The following RXFP2 variants were observed in gnomAD, a reference collection of about 807,000 sequenced individuals.
RXFP2 encodes relaxin family peptide receptor 2.
A neutral mutation model predicts 88.6 loss-of-function variants in RXFP2; 68 were observed. That is an observed-to-expected ratio of 0.77 (90% CI 0.63 to 0.94). RXFP2 has a LOEUF of 0.94. Ranked by LOEUF, RXFP2 falls within the 40% of genes least tolerant of loss-of-function variation. RXFP2 has a pLI of 0.00. For synonymous variants in RXFP2, 329 were observed against 306.8 expected (o/e 1.07, Z -0.76); for missense variants, 791 against 893.9 (o/e 0.88, Z 1.47).
rs959645523 is a variant in RXFP2 at position 31,782,767 on chromosome 13, A to T, written c.929+20A>T. The T allele has an allele frequency of 2.8e-6, 4 of 1,429,000 alleles. No individual in the cohort carries two copies. In the South Asian group the frequency reaches 4.6e-5, roughly 16 times the overall value. The allele number at this position is 1,429,000 out of a possible 1,614,324, so 88.5% of individuals were successfully genotyped here. A position where few individuals can be genotyped will look rare whatever the true frequency, so the allele number is the denominator to read the frequency against. ...AGAACTGTAAGTAGCATCGTCTACT[A>T]GGAAAATATGATTGCTTCTTCCGAG... On this transcript the variant is annotated intron_variant, in intron 11 of 17. Coordinates refer to ENST00000298386, the MANE Select transcript of RXFP2 (RefSeq NM_130806.5).
intron 17 of RXFP2, among the ~76,000 whole-genome samples, chr13:31,798,709 A>G (rs571690850): frequency 1.8e-4 from 27 of 152,218 alleles, no homozygotes; most frequent in African/African-American, 5.5e-4. Flanking sequence ...ACCCTCGTAC[A>G]CTGTGATCCA....
chr13:31,742,495 A>G (rs1310381319), intron 1 of RXFP2, among the ~76,000 whole-genome samples: 1 of 152,194 alleles, frequency 6.6e-6, no homozygotes, highest in Non-Finnish European at 1.5e-5. Flanking sequence ...GGGCTGAATG[A>G]AGCCCACTGT....
chr13:31,791,295 T>C (rs939187834), intron 14 of RXFP2, among the ~76,000 whole-genome samples: 8 of 152,138 alleles, frequency 5.3e-5, no homozygotes, highest in Non-Finnish European at 1.5e-5. Context: ...AGAATGCATT[T>C]TCCTAGTGTC....
At position 31,778,500 on chromosome 13, in the gene RXFP2, C is replaced by T. The variant is rs189540523; in HGVS notation, c.714-12C>T. ...TCATTTTATTTCTAATTAACATTTT[C>T]TTTGTGTAAAGGTCTATGGTTAATA... On this transcript the variant is annotated splice_polypyrimidine_tract_variant and intron_variant, in intron 8 of 17. Coordinates refer to ENST00000298386, the MANE Select transcript of RXFP2 (RefSeq NM_130806.5). 2.5e-6 allele frequency: 4 copies of T among 1,573,194 alleles called. No individual in the cohort carries two copies. The highest frequency in any genetic ancestry group is 2.7e-5 in the African/African-American group (2 of 74,026).
rs999259740 is a variant in RXFP2 at position 31,747,813 on chromosome 13, A to G, written c.94+8107A>G. Among the ~76,000 whole-genome samples, 2 of 152,232 alleles carry G rather than the reference A, an allele frequency of 1.3e-5. 1 individual carries two copies. Among genetic ancestry groups the G allele is most frequent in the Non-Finnish European group, 2.9e-5 (2 of 68,038 alleles). On this transcript the variant is annotated intron_variant, in intron 1 of 17. Coordinates refer to ENST00000298386, the MANE Select transcript of RXFP2 (RefSeq NM_130806.5). Reference sequence around the variant, plus strand: ...GTGCAAGATGGTTTGGGTAGAAAAAAGGGAAAGTTTGTACTGAGGAGTGGT... The same window carrying G: ...GTGCAAGATGGTTTGGGTAGAAAAAGGGGAAAGTTTGTACTGAGGAGTGGT...
chr13:31,802,348 AC>A lies in RXFP2; in HGVS notation c.2209del (p.Val739PhefsTer2). ...GGATAGAGGACTCCTCTTCCCTGAA[AC>A]TTGGGGTTTTGAACAAAATAACACT... is the stretch of plus-strand genomic sequence containing the variant. ...VWIEDSSSLK[L>X]GVLNKITLGD... is the part of the protein sequence containing the mutation. On this transcript the variant is annotated frameshift_variant, in exon 18 of 18. Transcript: ENST00000298386. LOFTEE classifies it high-confidence loss of function. The A allele has an allele frequency of 6.2e-7, 1 of 1,614,082 alleles. No homozygotes were observed. Among genetic ancestry groups the A allele is most frequent in the African/African-American group, 1.3e-5 (1 of 75,044 alleles).
chr13:31,761,953 G>T, intron 3 of RXFP2, 152 bp downstream of exon 3: 26 of 523,986 alleles, frequency 5.0e-5, no homozygotes, highest in Admixed American at 8.3e-5. Context: ...GTCTGCCTGT[G>T]ATTGGAAAGA....
chr13:31,760,348 C>T (rs1166709956), intron 2 of RXFP2, among the ~76,000 whole-genome samples: 1 of 152,200 alleles, frequency 6.6e-6, no homozygotes, highest in African/African-American at 2.4e-5. Flanking sequence ...GCCTCGGCCT[C>T]CCAAAGTGCT....
At chr13:31,774,877 C>A (rs1326516643) in intron 6 of RXFP2, among the ~76,000 whole-genome samples, 186 bp downstream of exon 6, 1 of 152,164 alleles carries the variant, frequency 6.6e-6, no homozygotes, top group Non-Finnish European at 1.5e-5. Context: ...AGAAGACATA[C>A]AAAGGTTCTC....
At chr13:31,742,292 GC>G (rs1270151710) in intron 1 of RXFP2, among the ~76,000 whole-genome samples, 1 of 152,294 alleles carries the variant, frequency 6.6e-6, no homozygotes, top group African/African-American at 2.4e-5. Context: ...GTGTTTGACT[GC>G]CCCCTAGTGG....
At chr13:31,759,406 A>AAAGAAAGAAAGAAAGAAAGG in intron 2 of RXFP2, among the ~76,000 whole-genome samples, 1 of 149,702 alleles carries the variant, frequency 6.7e-6, no homozygotes, top group East Asian at 2.0e-4. Flanking sequence ...AGAAAGAAAG[A>AAAGAAAGAAAGAAAGAAAGG]AAGAAAGAAA....
intron 1 of RXFP2, among the ~76,000 whole-genome samples, chr13:31,757,341 A>T (rs1872003476): frequency 6.6e-6 from 1 of 152,208 alleles, no homozygotes; most frequent in African/African-American, 2.4e-5. Flanking sequence ...CAAGATATTT[A>T]ACTTCCCTAA....
At chr13:31,755,181 G>T (rs1871882690) in intron 1 of RXFP2, among the ~76,000 whole-genome samples, 1 of 152,128 alleles carries the variant, frequency 6.6e-6, no homozygotes, top group Non-Finnish European at 1.5e-5. Flanking sequence ...TCTAATCCAG[G>T]TCTGAGTGTC....
Position 31,781,703 on chromosome 13 carries a change from C to T in RXFP2, c.818C>T (p.Thr273Ile). 6.2e-7 allele frequency: 1 copy of T among 1,612,480 alleles called. No individual in the cohort carries two copies. Among genetic ancestry groups the T allele is most frequent in the Non-Finnish European group, 8.5e-7 (1 of 1,178,930 alleles). ...GAAGGCAATAGAATAAAGTATCTCA[C>T]AAATTCTACGTTTCTGTCGTGCGAT... The part of the protein sequence containing the change: ...DLEGNRIKYL[T>I]NSTFLSCDSL... Residue 273 changes from threonine to isoleucine, a missense_variant, in exon 10 of 18, where the codon ACA becomes ATA. Transcript: ENST00000298386.
intron 15 of RXFP2, 51 bp from the exon 16 acceptor site, chr13:31,792,619 GAAAACTAA>G (rs980743691): frequency 2.1e-5 from 33 of 1,537,250 alleles, no homozygotes; most frequent in African/African-American, 2.7e-5. Flanking sequence ...GACTTAATCA[GAAAACTAA>G]AACAGGGACA....
intron 7 of RXFP2, among the ~76,000 whole-genome samples, chr13:31,776,799 T>C (rs1873009674): frequency 6.6e-6 from 1 of 152,084 alleles, no homozygotes; most frequent in Admixed American, 6.6e-5. Flanking sequence ...TAGAGGCCTA[T>C]TTCCCCTTAC....
intron 2 of RXFP2, among the ~76,000 whole-genome samples, chr13:31,760,128 G>A (rs893083425): frequency 7.2e-5 from 11 of 152,070 alleles, no homozygotes; most frequent in African/African-American, 2.7e-4. Flanking sequence ...TGCTCTTGTT[G>A]CCCAGGATGG....
Position 31,782,650 on chromosome 13 carries a change from A to G in RXFP2, c.858-26A>G, listed in dbSNP as rs1367073180. On this transcript the variant is annotated intron_variant, in intron 10 of 17. Transcript: ENST00000298386. ...ATTACTACAGCAGACGCAAACCCAC[A>G]TGCTGATTCTCGCCATGTCTTACAG... The G allele has an allele frequency of 4.5e-6, 7 of 1,566,688 alleles. No homozygotes were observed. In the Admixed American group the frequency reaches 5.0e-5, roughly 11 times the overall value.
rs1183760907 is a variant in RXFP2 at position 31,789,205 on chromosome 13, T to TA, written c.1145+18dup. 17 of 1,546,944 alleles carry TA rather than the reference T, an allele frequency of 1.1e-5. 1 individual carries two copies. The highest frequency in any genetic ancestry group is 8.2e-5 in the African/African-American group (6 of 73,420). ...AATCTTTCTCACATGTACGTATGTA[T>TA]AAAAAATGGAGGAGGAAGCATGGTA... On this transcript the variant is annotated intron_variant, in intron 14 of 17. Transcript: ENST00000298386.
Sources: allele counts gnomAD v4.1 joint callset (sites outside exome capture counted in the v4.1 genomes callset), GRCh38; gene constraint gnomAD v4.1.1; transcripts MANE v1.5; gene names NCBI Gene and HGNC (gene_info 2026-07-23, HGNC 2026-07-21).